The following EPB41 variants were observed in gnomAD, a reference collection of about 807,000 sequenced individuals.
EPB41 encodes the protein protein 4.1.
EPB41 carries 65 observed loss-of-function variants against 108.0 expected under a neutral mutation model. That is an observed-to-expected ratio of 0.60 (90% CI 0.49 to 0.74). The LOEUF is 0.74. Ranked by LOEUF, EPB41 falls within the 30% of genes least tolerant of loss-of-function variation. EPB41 has a pLI of 0.00. For missense variants in EPB41, 875 were observed against 1,037.0 expected, an observed-to-expected ratio of 0.84 and a Z score of 2.15; for synonymous variants, 336 against 358.9, an observed-to-expected ratio of 0.94 and a Z score of 0.72.
At chr1:29,029,406 T>A (rs1367946467) in intron 7 of EPB41, among the ~76,000 whole-genome samples, 1 of 152,198 alleles carries the variant, frequency 6.6e-6, no homozygotes, top group Non-Finnish European at 1.5e-5. Context: ...CCTTTGTCCT[T>A]TTAATTAGGG....
chr1:29,116,295 T>C (rs1417304104), intron 20 of EPB41, among the ~76,000 whole-genome samples: 1 of 151,866 alleles, frequency 6.6e-6, no homozygotes, highest in East Asian at 1.9e-4. Flanking sequence ...ACTACAGGCA[T>C]GTGCCACCAT....
chr1:28,896,572 G>T (rs941963628), intron 1 of EPB41, among the ~76,000 whole-genome samples: 2 of 152,210 alleles, frequency 1.3e-5, no homozygotes, highest in African/African-American at 4.8e-5. Flanking sequence ...TATTGAATAG[G>T]TGTTCTTATG....
At chr1:29,029,197 A>G (rs1427845291) in intron 7 of EPB41, among the ~76,000 whole-genome samples, 1 of 152,224 alleles carries the variant, frequency 6.6e-6, no homozygotes, top group Non-Finnish European at 1.5e-5. Context: ...AATGACTTGA[A>G]TATACAGACT....
At chr1:29,098,012 A>G (rs1663827422) in intron 17 of EPB41, 77 bp downstream of exon 17, 2 of 1,596,590 alleles carry the variant, frequency 1.3e-6, no homozygotes, top group Admixed American at 1.7e-5. Context: ...GTTTCTAGTC[A>G]TTTATCGCCA....
At chr1:29,094,861 A>G (rs531146169) in intron 16 of EPB41, among the ~76,000 whole-genome samples, 5 of 152,226 alleles carry the variant, frequency 3.3e-5, no homozygotes, top group African/African-American at 1.2e-4. Context: ...CCTCCCCTGG[A>G]TACCAAAATC....
chr1:28,996,943 G>A (rs990569895), intron 3 of EPB41, among the ~76,000 whole-genome samples: 28 of 151,994 alleles, frequency 1.8e-4, no homozygotes, highest in African/African-American at 4.6e-4. Context: ...ACTTGAGCCC[G>A]GGAGTTCAAA....
rs77471443 is a variant in EPB41 at position 28,888,121 on chromosome 1, G to A, written c.-8+911G>A. 9.1e-3 allele frequency among the ~76,000 whole-genome samples: 1,382 copies of A among 152,324 alleles called. 24 individuals carry two copies. Among genetic ancestry groups the A allele is most frequent in the African/African-American group, 0.031 (1,304 of 41,572 alleles). On this transcript the variant is annotated intron_variant, in intron 1 of 16. Coordinates refer to the EPB41 transcript ENST00000347529. The stretch of plus-strand genomic sequence containing the variant: ...AGTGGGGAGGAGAGAGGAGGGTTGG[G>A]GAAGATGATTCTAGGACCCTTAGCT...
intron 1 of EPB41, among the ~76,000 whole-genome samples, chr1:28,930,426 C>T (rs1001135724): frequency 1.3e-5 from 2 of 151,648 alleles, no homozygotes; most frequent in Non-Finnish European, 2.9e-5. Context: ...CCTCAGCCTC[C>T]CAAAGTGCTG....
At chr1:28,950,255 A>G (rs2094661587) in intron 1 of EPB41, among the ~76,000 whole-genome samples, 1 of 152,208 alleles carries the variant, frequency 6.6e-6, no homozygotes, top group Non-Finnish European at 1.5e-5. Flanking sequence ...ACAACCTGTA[A>G]CTATCAACAG....
chr1:28,990,231 CAAAA>C (rs529982149), intron 2 of EPB41, among the ~76,000 whole-genome samples: 1 of 85,710 alleles, frequency 1.2e-5, no homozygotes, highest in Non-Finnish European at 2.5e-5. Flanking sequence ...GATTCCATCT[CAAAA>C]AAAAAAAAAA....
chr1:29,072,151 T>C (rs1456289601), intron 16 of EPB41: 1 of 152,200 alleles, frequency 6.6e-6, no homozygotes, highest in Non-Finnish European at 1.5e-5. Context: ...TTGGTGTGCG[T>C]ATATATCTTT....
intron 1 of EPB41, among the ~76,000 whole-genome samples, chr1:28,939,825 A>G (rs965477116): frequency 2.0e-5 from 3 of 152,200 alleles, no homozygotes; most frequent in Admixed American, 1.3e-4. Flanking sequence ...TTGCTACACA[A>G]TCACCTCAAA....
At chr1:29,071,738 T>C (rs886325075) in intron 16 of EPB41, 1 of 152,188 alleles carries the variant, frequency 6.6e-6, no homozygotes, top group Non-Finnish European at 1.5e-5. Context: ...CTGTTATTTT[T>C]TACCTCAATA....
chr1:29,012,472 C>T (rs1052607199), intron 5 of EPB41, among the ~76,000 whole-genome samples: 1 of 152,156 alleles, frequency 6.6e-6, no homozygotes, highest in African/African-American at 2.4e-5. Flanking sequence ...GGCTTTGCTC[C>T]TAGCTCTAAC....
At chr1:29,009,816 A>G (rs1359854028) in intron 4 of EPB41, among the ~76,000 whole-genome samples, 2 of 152,206 alleles carry the variant, frequency 1.3e-5, no homozygotes, top group Admixed American at 6.5e-5. Context: ...TTTATTATAT[A>G]TATTAATTTT....
rs144608793 is a variant in EPB41, at chr1:29,105,850, C to T, written c.2314-3486C>T. 3.1e-3 allele frequency among the ~76,000 whole-genome samples: 463 copies of T among 147,592 alleles called. 2 individuals carry two copies. The highest frequency in any genetic ancestry group is 0.011 in the African/African-American group (448 of 40,186). On this transcript the variant is annotated intron_variant, in intron 17 of 20. Transcript: ENST00000343067. ...TGCAACCTCCGCCTCCTGGTTCAAGCGATCCTCCTGCCTCAGCCTCCAGAG... is the reference window on the plus strand; with the variant it reads ...TGCAACCTCCGCCTCCTGGTTCAAGTGATCCTCCTGCCTCAGCCTCCAGAG...
At chr1:28,907,517 A>G (rs538145720) in intron 1 of EPB41, among the ~76,000 whole-genome samples, 1 of 152,226 alleles carries the variant, frequency 6.6e-6, no homozygotes, top group East Asian at 1.9e-4. Flanking sequence ...ATGCCAAGAA[A>G]CAAGGGCCAG....
chr1:28,903,326 CT>C (rs1288999444), intron 1 of EPB41, among the ~76,000 whole-genome samples: 3,660 of 136,954 alleles, frequency 0.027, 91 homozygotes, highest in African/African-American at 0.073. Flanking sequence ...TCTTTTCTTT[CT>C]TTTTTTTTTT....
At chr1:29,078,167 CA>C (rs1325140192) in intron 16 of EPB41, among the ~76,000 whole-genome samples, 1 of 151,944 alleles carries the variant, frequency 6.6e-6, no homozygotes, top group Non-Finnish European at 1.5e-5. Context: ...TGCAGTGAGC[CA>C]AAATTGCACC....
Sources: allele counts gnomAD v4.1 joint callset (sites outside exome capture counted in the v4.1 genomes callset), GRCh38; gene constraint gnomAD v4.1.1; transcripts MANE v1.5; gene names NCBI Gene and HGNC (gene_info 2026-07-23, HGNC 2026-07-21).